Variants in MYRIP observed in about 807,000 individuals in gnomAD.
MYRIP encodes the protein rab effector MyRIP.
MYRIP carries 49 observed loss-of-function variants against 98.0 expected under a neutral mutation model. The observed-to-expected ratio is 0.50, with a 90% CI of 0.40 to 0.63. The LOEUF (loss-of-function observed/expected upper bound fraction) is 0.63, where lower values mean the gene tolerates loss of function less well. Ranked by LOEUF, MYRIP falls within the 30% of genes least tolerant of loss-of-function variation. The probability of loss-of-function intolerance (pLI) is 0.00; values close to 1 mark genes in which losing one functional copy is unlikely to be tolerated. For missense variants in MYRIP, 1,004 were observed against 1,058.2 expected, an observed-to-expected ratio of 0.95 and a Z score of 0.71; for synonymous variants, 404 against 409.5, an observed-to-expected ratio of 0.99 and a Z score of 0.16.
intron 3 of MYRIP, among the ~76,000 whole-genome samples, chr3:40,060,447 C>CA (rs986535065): frequency 3.3e-5 from 5 of 151,750 alleles, no homozygotes; most frequent in African/African-American, 9.7e-5. Context: ...AAAACACTGA[C>CA]AAAAAAGGCA....
At position 40,151,142 on chromosome 3, in the gene MYRIP, A is replaced by G. The variant is rs763082394; in HGVS notation, c.427A>G (p.Arg143Gly). Residue 143 changes from arginine (R) to glycine (G), a missense_variant, in exon 4 of 17, where the codon AGG becomes GGG. Physicochemically the swap from Arg to Gly is moderately radical, Grantham distance 125 (BLOSUM62 -2). Coordinates refer to ENST00000302541, the MANE Select transcript of MYRIP (RefSeq NM_015460.4). ...GSAKVLKNLYRKHRLESGACF... is the reference protein window; with the variant it reads ...GSAKVLKNLYGKHRLESGACF... ...TGCCAAGGTTCTGAAGAACCTGTAC[A>G]GGAAGCACCGGCTGGAGAGTGGCGC... 6.2e-7 allele frequency: 1 copy of G among 1,611,252 alleles called. No homozygotes were observed. Among genetic ancestry groups the G allele is most frequent in the Non-Finnish European group, 8.5e-7 (1 of 1,178,490 alleles).
chr3:40,231,622 G>A (rs1367823970), intron 11 of MYRIP, among the ~76,000 whole-genome samples: 1 of 152,210 alleles, frequency 6.6e-6, no homozygotes, highest in Admixed American at 6.5e-5. Flanking sequence ...TTGATTGTAT[G>A]TTCAGTTGGA....
intron 2 of MYRIP, among the ~76,000 whole-genome samples, chr3:40,001,906 G>A (rs1424300434): frequency 6.6e-6 from 1 of 152,152 alleles, no homozygotes; most frequent in East Asian, 1.9e-4. Flanking sequence ...GTTAGACATC[G>A]TGGGTGAGAG....
At chr3:40,100,839 C>T (rs919120792) in intron 3 of MYRIP, among the ~76,000 whole-genome samples, 4 of 152,174 alleles carry the variant, frequency 2.6e-5, no homozygotes, top group Admixed American at 1.3e-4. Context: ...ATATCCATCA[C>T]CCAGGAGGGA....
intron 2 of MYRIP, among the ~76,000 whole-genome samples, chr3:39,992,312 C>T (rs989085458): frequency 3.9e-5 from 6 of 152,118 alleles, no homozygotes; most frequent in African/African-American, 1.4e-4. Context: ...CTGCTTCCAC[C>T]ACCTTGAGCC....
chr3:39,943,671 T>G (rs1247305798), intron 2 of MYRIP, among the ~76,000 whole-genome samples: 2 of 152,150 alleles, frequency 1.3e-5, no homozygotes, highest in Non-Finnish European at 2.9e-5. Context: ...ATTTAGGCAC[T>G]GTGAAAAAGA....
At chr3:39,923,079 C>G (rs1944339605) in intron 2 of MYRIP, among the ~76,000 whole-genome samples, 1 of 151,914 alleles carries the variant, frequency 6.6e-6, no homozygotes. Flanking sequence ...ATAACTGAAG[C>G]TCAATAGCAG....
intron 2 of MYRIP, among the ~76,000 whole-genome samples, 186 bp from the exon 3 acceptor site, chr3:40,043,864 C>A (rs368208091): frequency 6.6e-6 from 1 of 152,172 alleles, no homozygotes; most frequent in African/African-American, 2.4e-5. Context: ...AACTAATCTA[C>A]GATTAATGTT....
chr3:39,900,463 A>G (rs1943715616), intron 1 of MYRIP, among the ~76,000 whole-genome samples: 1 of 152,104 alleles, frequency 6.6e-6, no homozygotes, highest in Middle Eastern at 3.2e-3. Context: ...ACAAAAGTTT[A>G]GAACTTTTAG....
At chr3:39,874,526 A>G (rs1339450479) in intron 1 of MYRIP, among the ~76,000 whole-genome samples, 2 of 152,130 alleles carry the variant, frequency 1.3e-5, no homozygotes, top group East Asian at 1.9e-4. Flanking sequence ...TCAATACCTA[A>G]TTTATTGAGA....
At chr3:40,139,722 G>A (rs1221416449) in intron 3 of MYRIP, among the ~76,000 whole-genome samples, 1 of 152,086 alleles carries the variant, frequency 6.6e-6, no homozygotes, top group Non-Finnish European at 1.5e-5. Context: ...TGGGACTACA[G>A]GCACATGCTA....
intron 1 of MYRIP, among the ~76,000 whole-genome samples, chr3:39,812,213 C>T (rs114798968): frequency 0.015 from 2,358 of 152,280 alleles, 56 homozygotes; most frequent in African/African-American, 0.054. Context: ...GCACTATCCT[C>T]CAAGGGTAGC....
chr3:40,120,641 T>C (rs1369813818), intron 3 of MYRIP, among the ~76,000 whole-genome samples: 1 of 152,186 alleles, frequency 6.6e-6, no homozygotes, highest in Non-Finnish European at 1.5e-5. Context: ...AAAGAATCCA[T>C]ACGTCCTGGC....
intron 2 of MYRIP, among the ~76,000 whole-genome samples, chr3:39,919,140 G>A (rs1944242441): frequency 6.6e-6 from 1 of 152,172 alleles, no homozygotes; most frequent in Non-Finnish European, 1.5e-5. Context: ...CTTCACGTGC[G>A]AGAAATGTAC....
intron 3 of MYRIP, among the ~76,000 whole-genome samples, chr3:40,125,088 A>G (rs1575557278): frequency 3.3e-5 from 5 of 152,146 alleles, no homozygotes; most frequent in Admixed American, 3.3e-4. Flanking sequence ...AAGGATTAGA[A>G]CCAGGCCTGA....
intron 1 of MYRIP, among the ~76,000 whole-genome samples, chr3:39,878,826 G>A (rs1943083393): frequency 6.6e-6 from 1 of 151,462 alleles, no homozygotes; most frequent in Non-Finnish European, 1.5e-5. Context: ...GGAGGCTGAG[G>A]TAGGTGGATC....
In MYRIP at chr3:40,060,596, T is replaced by TGAGAGAGAGAGAGA. The variant is rs35495297; in HGVS notation, c.332+16334_332+16347dup. 3.2e-3 allele frequency among the ~76,000 whole-genome samples: 450 copies of TGAGAGAGAGAGAGA among 138,866 alleles called. 8 individuals carry two copies. Among genetic ancestry groups the TGAGAGAGAGAGAGA allele is most frequent in the Middle Eastern group, 7.1e-3 (2 of 280 alleles). 91.1% of individuals were successfully genotyped at this position (138,866 alleles called of 152,430 possible). A position where few individuals can be genotyped will look rare whatever the true frequency, so the allele number is the denominator to read the frequency against. ...TAGATTTTCTTTTTTTTTCTTTTTT[T>TGAGAGAGAGAGAGA]GAGAGAGAGAGAGAGAGAGAGATTC... On this transcript the variant is annotated intron_variant, in intron 3 of 16. Coordinates refer to ENST00000302541, the MANE Select transcript of MYRIP (RefSeq NM_015460.4).
chr3:40,125,663 T>C (rs1383445207), intron 3 of MYRIP, among the ~76,000 whole-genome samples: 1 of 152,150 alleles, frequency 6.6e-6, no homozygotes, highest in Non-Finnish European at 1.5e-5. Context: ...TCAGCCTCAT[T>C]TTCCTTCTCT....
intron 2 of MYRIP, among the ~76,000 whole-genome samples, chr3:39,903,829 T>C (rs1455240101): frequency 6.6e-6 from 1 of 152,210 alleles, no homozygotes; most frequent in Non-Finnish European, 1.5e-5. Context: ...CTCCATTACG[T>C]AGACTGGGTT....
Sources: gnomAD v4.1 joint callset for allele counts (sites outside exome capture counted in the v4.1 genomes callset) on GRCh38, gnomAD v4.1.1 for gene constraint, MANE v1.5 for transcripts, NCBI Gene and HGNC (gene_info 2026-07-23, HGNC 2026-07-21) for gene names.